Variants in PRKDC observed in about 807,000 individuals in gnomAD.
The protein encoded by PRKDC is protein kinase, DNA-activated, catalytic subunit, also known as DNA-dependent protein kinase catalytic subunit.
In PRKDC, 82 loss-of-function variants were observed where a neutral mutation model predicts 486.9. The ratio of observed to expected loss-of-function variants is 0.17; its 90% CI spans 0.14 to 0.20. The LOEUF (loss-of-function observed/expected upper bound fraction) is 0.20. Ranked by LOEUF, PRKDC falls within the 10% of genes least tolerant of loss-of-function variation. PRKDC has a pLI of 1.00. For missense variants in PRKDC, 4,504 were observed against 5,038.2 expected (o/e 0.89, Z 3.21); for synonymous variants, 1,895 against 1,837.0 (o/e 1.03, Z -0.81).
chr8:47,789,962 T>C (rs2086858303), intron 74 of PRKDC, among the ~76,000 whole-genome samples: 1 of 152,204 alleles, frequency 6.6e-6, no homozygotes, highest in Non-Finnish European at 1.5e-5. Context: ...ACAGCTAGTG[T>C]CATACTGAAC....
chr8:47,790,295 A>G (rs1317539037), intron 74 of PRKDC, among the ~76,000 whole-genome samples: 1 of 152,252 alleles, frequency 6.6e-6, no homozygotes, highest in African/African-American at 2.4e-5. Flanking sequence ...CATAGAAGTA[A>G]TTCTATTTAC....
In PRKDC at chr8:47,773,975, A is replaced by T; in HGVS notation, c.*198T>A. The T allele has an allele frequency of 1.8e-6, 1 of 560,382 alleles. No homozygotes were observed. Among genetic ancestry groups the T allele is most frequent in the Non-Finnish European group, 3.1e-6 (1 of 323,506 alleles). 34.7% of individuals were successfully genotyped at this position (560,382 alleles called of 1,614,324 possible). A position where few individuals can be genotyped will look rare whatever the true frequency, so the allele number is the denominator to read the frequency against. On this transcript the variant is annotated 3_prime_UTR_variant, in exon 86 of 86. Transcript: ENST00000314191. ...TAAACCTCACCTAATCTTTGATGTT[A>T]CTATAACCTTATCTTTGATTTAACC...
At chr8:47,929,535 G>T (rs1177191646) in intron 18 of PRKDC, among the ~76,000 whole-genome samples, 1 of 152,212 alleles carries the variant, frequency 6.6e-6, no homozygotes, top group Non-Finnish European at 1.5e-5. Flanking sequence ...GTGGTGCTTA[G>T]CAGGGCAGCA....
intron 12 of PRKDC, 116 bp from the exon 13 acceptor site, chr8:47,936,016 G>A: frequency 1.9e-6 from 2 of 1,049,208 alleles, no homozygotes; most frequent in Non-Finnish European, 2.6e-6. Context: ...AGAAAAACAT[G>A]GTTTGTCATC....
intron 29 of PRKDC, among the ~76,000 whole-genome samples, chr8:47,897,551 A>G (rs1239220626): frequency 5.3e-5 from 8 of 152,206 alleles, no homozygotes; most frequent in Non-Finnish European, 5.9e-5. Context: ...GAACAGCACT[A>G]AGTATTTTCA....
At chr8:47,881,654 C>T in intron 37 of PRKDC, 134 bp from the exon 38 acceptor site, 1 of 633,052 alleles carries the variant, frequency 1.6e-6, no homozygotes, top group Non-Finnish European at 2.6e-6. Context: ...TTTTCACAAT[C>T]TTATTGTAAA....
intron 50 of PRKDC, among the ~76,000 whole-genome samples, chr8:47,854,831 G>A (rs191584378): frequency 2.0e-5 from 3 of 152,050 alleles, no homozygotes; most frequent in Non-Finnish European, 4.4e-5. Context: ...CAATTTTATC[G>A]CCCTCGTATT....
intron 30 of PRKDC, among the ~76,000 whole-genome samples, chr8:47,894,775 A>G (rs2089542138): frequency 6.6e-6 from 1 of 152,138 alleles, no homozygotes; most frequent in Non-Finnish European, 1.5e-5. Flanking sequence ...GACGCTTAAA[A>G]ACCACTGAAG....
intron 7 of PRKDC, among the ~76,000 whole-genome samples, chr8:47,952,392 T>C (rs1054698765): frequency 6.6e-6 from 1 of 152,176 alleles, no homozygotes; most frequent in Non-Finnish European, 1.5e-5. Context: ...AGTTCATCTG[T>C]GTAACTTTTT....
Position 47,831,854 on chromosome 8 carries a change from A to T in PRKDC, c.8225T>A (p.Met2742Lys), listed in dbSNP as rs748314845. ...CTCAGCAACGCCTTTTCTGGCATACATCAAACTGAGCTTCTCCTGGTCCCT... is the reference window on the plus strand; with the variant it reads ...CTCAGCAACGCCTTTTCTGGCATACTTCAAACTGAGCTTCTCCTGGTCCCT... ...FMRDQEKLSL[M>K]YARKGVAEQK... is the part of the protein sequence containing the mutation. The change falls in exon 60 of 86, where the codon ATG becomes AAG. Residue 2742 changes from methionine (M) to lysine (K), a missense_variant. By Grantham distance (95) the Met-to-Lys change is moderately conservative. Transcript: ENST00000314191. 1.5e-5 allele frequency: 24 copies of T among 1,613,910 alleles called. No homozygotes were observed. Among genetic ancestry groups the T allele is most frequent in the Non-Finnish European group, 1.8e-5 (21 of 1,179,890 alleles).
intron 29 of PRKDC, 46 bp from the exon 30 acceptor site, chr8:47,897,340 ACATT>A: frequency 6.7e-7 from 1 of 1,488,546 alleles, no homozygotes; most frequent in Non-Finnish European, 9.0e-7. Flanking sequence ...CCAACATGCA[ACATT>A]CAGCTACCAA....
At chr8:47,934,198 A>C in intron 14 of PRKDC, 108 bp from the exon 15 acceptor site, 1 of 1,265,602 alleles carries the variant, frequency 7.9e-7, no homozygotes, top group Non-Finnish European at 1.1e-6. Flanking sequence ...TGCCACCCAT[A>C]GGAGACCATA....
intron 26 of PRKDC, among the ~76,000 whole-genome samples, chr8:47,904,617 C>T (rs139020635): frequency 5.3e-5 from 8 of 152,136 alleles, no homozygotes; most frequent in Non-Finnish European, 7.3e-5. Context: ...CAAAGTGAAA[C>T]GCTGTCTCTG....
chr8:47,859,190 A>G (rs1435048189), intron 46 of PRKDC, among the ~76,000 whole-genome samples: 1 of 152,222 alleles, frequency 6.6e-6, no homozygotes, highest in African/African-American at 2.4e-5. Context: ...CCAAGTACAT[A>G]GTCCCCGTCC....
rs747469348 is a variant in PRKDC, at chr8:47,957,154, T to A, written c.324+17A>T. On this transcript the variant is annotated intron_variant, in intron 3 of 85. Transcript: ENST00000314191. ...TGTTGATATATAATGTAATAAGGTA[T>A]GTTTTTTAATTCTTACCTTAATTTC... 26 of 1,484,222 alleles carry A rather than the reference T, an allele frequency of 1.8e-5. No individual in the cohort carries two copies. In the South Asian group the frequency reaches 2.9e-4, roughly 17 times the overall value. 91.9% of individuals were successfully genotyped at this position (1,484,222 alleles called of 1,614,324 possible). A position where few individuals can be genotyped will look rare whatever the true frequency, so the allele number is the denominator to read the frequency against.
At position 47,912,489 on chromosome 8, in the gene PRKDC, C is replaced by T. The variant is rs769220957; in HGVS notation, c.2855G>A (p.Gly952Glu). The T allele has an allele frequency of 3.7e-6, 6 of 1,612,554 alleles. No homozygotes were observed. Among genetic ancestry groups the T allele is most frequent in the Non-Finnish European group, 5.1e-6 (6 of 1,179,202 alleles). Residue 952 changes from glycine (G) to glutamate (E), a missense_variant, in exon 25 of 86, where the codon GGA becomes GAA. Physicochemically the swap from Gly to Glu is moderately conservative, Grantham distance 98. Around this residue, in one of 6 missense-constraint regions of PRKDC, gnomAD observed 1,969 missense variants for 2,068.9 expected, o/e 0.95. Coordinates refer to ENST00000314191, the MANE Select transcript of PRKDC (RefSeq NM_006904.7). ...LGKATQMPEG[G>E]QGAPPMYQLY... ...CTGGTACATGGGTGGGGCTCCCTGT[C>T]CCCCTTCTGGCATCTGCGTGGCTTT...
In PRKDC at chr8:47,788,944, C is replaced by A; in HGVS notation, c.10864G>T (p.Ala3622Ser). 6.2e-7 allele frequency: 1 copy of A among 1,611,760 alleles called. No homozygotes were observed. Among genetic ancestry groups the A allele is most frequent in the Non-Finnish European group, 8.5e-7 (1 of 1,179,194 alleles). Residue 3622 changes from alanine (A) to serine (S), a missense_variant, in exon 76 of 86, where the codon GCT becomes TCT. Transcript: ENST00000314191. ...RMYAALGDPK[A>S]PGLGAFRRKF... ...CTTCTAAAGGCCCCCAGGCCTGGAGCCTTTGGGTCACCCAAGGCTGCATAC... is the reference window on the plus strand; with the variant it reads ...CTTCTAAAGGCCCCCAGGCCTGGAGACTTTGGGTCACCCAAGGCTGCATAC...
intron 62 of PRKDC, 75 bp downstream of exon 62, chr8:47,828,093 A>T (rs1274390985): frequency 1.4e-6 from 2 of 1,420,866 alleles, no homozygotes; most frequent in Non-Finnish European, 1.9e-6. Flanking sequence ...AACACGGGAA[A>T]CATAGTGATG....
intron 18 of PRKDC, among the ~76,000 whole-genome samples, chr8:47,929,515 G>A (rs981874564): frequency 2.6e-5 from 4 of 152,228 alleles, no homozygotes; most frequent in African/African-American, 9.6e-5. Flanking sequence ...CTGGGTGCCA[G>A]AATCACCTGG....
Sources: allele counts gnomAD v4.1 joint callset (sites outside exome capture counted in the v4.1 genomes callset), GRCh38; gene constraint gnomAD v4.1.1; regional missense constraint gnomAD v4.1.1; transcripts MANE v1.5; gene names NCBI Gene and HGNC (gene_info 2026-07-23, HGNC 2026-07-21).